EPB41L4A: variants seen among roughly 807,000 people sequenced by gnomAD.
EPB41L4A encodes erythrocyte membrane protein band 4.1 like 4A, also known as band 4.1-like protein 4A.
A neutral mutation model predicts 108.6 loss-of-function variants in EPB41L4A; 100 were observed. The observed-to-expected ratio is 0.92, with a 90% CI of 0.78 to 1.09. EPB41L4A has a LOEUF of 1.09. EPB41L4A is among the 50% of genes least tolerant of loss of function. EPB41L4A has a pLI of 0.00. For synonymous variants in EPB41L4A, 319 were observed against 289.0 expected (o/e 1.10, Z -1.05); for missense variants, 1,030 against 842.7 (o/e 1.22, Z -2.75).
intron 2 of EPB41L4A, among the ~76,000 whole-genome samples, chr5:112,280,835 G>C (rs1477024113): frequency 6.6e-6 from 1 of 152,106 alleles, no homozygotes; most frequent in Non-Finnish European, 1.5e-5. Context: ...TCTTTCCAAA[G>C]TCTCCATCAT....
intron 12 of EPB41L4A, among the ~76,000 whole-genome samples, chr5:112,212,691 G>A (rs75882618): frequency 6.6e-6 from 1 of 152,022 alleles, no homozygotes; most frequent in Non-Finnish European, 1.5e-5. Flanking sequence ...AAATGAAAAG[G>A]AGCTTCATGT....
chr5:112,278,696 A>T (rs1456820393), intron 3 of EPB41L4A, among the ~76,000 whole-genome samples: 2 of 152,138 alleles, frequency 1.3e-5, no homozygotes, highest in African/African-American at 4.8e-5. Flanking sequence ...TAAAATAATT[A>T]ACATTTTTTC....
chr5:112,262,149 C>A (rs1418819558), intron 7 of EPB41L4A, among the ~76,000 whole-genome samples: 1 of 152,140 alleles, frequency 6.6e-6, no homozygotes, highest in South Asian at 2.1e-4. Flanking sequence ...ACCTCTGCCT[C>A]CCCAAGTGCT....
intron 1 of EPB41L4A, among the ~76,000 whole-genome samples, chr5:112,322,001 A>G (rs2150627357): frequency 6.6e-6 from 1 of 152,334 alleles, no homozygotes; most frequent in South Asian, 2.1e-4. Context: ...ATAGTTCAAC[A>G]TTACATAAGT....
At chr5:112,208,287 T>G (rs1158020580) in intron 13 of EPB41L4A, among the ~76,000 whole-genome samples, 4 of 149,104 alleles carry the variant, frequency 2.7e-5, no homozygotes, top group Non-Finnish European at 5.9e-5. Context: ...ACATGCTCAT[T>G]GCAGCACTAT....
chr5:112,229,607 T>C (rs950913001), intron 12 of EPB41L4A, among the ~76,000 whole-genome samples: 1 of 152,132 alleles, frequency 6.6e-6, no homozygotes, highest in Non-Finnish European at 1.5e-5. Context: ...ATCATTCTTA[T>C]GCCTTTGTGT....
At chr5:112,321,970 C>T (rs1239446766) in intron 1 of EPB41L4A, among the ~76,000 whole-genome samples, 1 of 152,148 alleles carries the variant, frequency 6.6e-6, no homozygotes, top group African/African-American at 2.4e-5. Flanking sequence ...TAAAGGGAGG[C>T]TTCATTAACA....
At chr5:112,259,808 CT>C in intron 8 of EPB41L4A, 82 bp downstream of exon 8, 1 of 1,007,950 alleles carries the variant, frequency 9.9e-7, no homozygotes, top group Non-Finnish European at 1.6e-6. Flanking sequence ...TACCTGTTTT[CT>C]TTTCCCCAAC....
intron 1 of EPB41L4A, among the ~76,000 whole-genome samples, chr5:112,387,390 G>T (rs1760626853): frequency 6.6e-6 from 1 of 152,188 alleles, no homozygotes; most frequent in African/African-American, 2.4e-5. Context: ...ACTTTGGGAG[G>T]CCGAGGCGGG....
At chr5:112,296,076 T>C (rs1244378049) in intron 2 of EPB41L4A, among the ~76,000 whole-genome samples, 1 of 152,170 alleles carries the variant, frequency 6.6e-6, no homozygotes, top group African/African-American at 2.4e-5. Flanking sequence ...AATGACTGGC[T>C]TTGTCCAAGA....
At chr5:112,162,082 C>T (rs1759943127), downstream of EPB41L4A, 1 of 152,152 alleles carries the variant, frequency 6.6e-6, no homozygotes, top group African/African-American at 2.4e-5. Flanking sequence ...GGCATATTAC[C>T]AAGTTCTTGA....
intron 17 of EPB41L4A, among the ~76,000 whole-genome samples, chr5:112,193,579 G>T (rs1761813470): frequency 6.6e-6 from 1 of 152,204 alleles, no homozygotes; most frequent in Non-Finnish European, 1.5e-5. Flanking sequence ...GGGATTACAG[G>T]CGTGAGCCAC....
intron 1 of EPB41L4A, among the ~76,000 whole-genome samples, chr5:112,400,452 G>C (rs1478682594): frequency 6.6e-6 from 1 of 152,138 alleles, no homozygotes; most frequent in Non-Finnish European, 1.5e-5. Flanking sequence ...CACAGCATCT[G>C]CTTGGCTTCT....
At chr5:112,346,215 C>CTTTTTTTTTTTTTTTTTTTTTTTT (rs1479210695) in intron 1 of EPB41L4A, among the ~76,000 whole-genome samples, 1 of 49,042 alleles carries the variant, frequency 2.0e-5, no homozygotes, top group African/African-American at 4.5e-5. Flanking sequence ...AGGTACATTG[C>CTTTTTTTTTTTTTTTTTTTTTTTT]ATTTTTTTTT....
intron 1 of EPB41L4A, among the ~76,000 whole-genome samples, chr5:112,321,336 C>G (rs1755763828): frequency 6.6e-6 from 1 of 152,154 alleles, no homozygotes; most frequent in Non-Finnish European, 1.5e-5. Flanking sequence ...AACACAATGA[C>G]CAAGGTGAGC....
Position 112,270,156 on chromosome 5 carries a change from C to T in EPB41L4A, c.336-3826G>A, listed in dbSNP as rs549040351. ...AGACAGAAGCTCAAAACAGAAGGCT[C>T]CTGTAAGATTCCTGGCCAAGAACAG... is the stretch of plus-strand genomic sequence containing the variant. On this transcript the variant is annotated intron_variant, in intron 4 of 22. Coordinates refer to ENST00000261486, the MANE Select transcript of EPB41L4A (RefSeq NM_022140.5). Among the ~76,000 whole-genome samples the T allele has an allele frequency of 3.3e-5, 5 of 152,256 alleles. No individual in the cohort carries two copies. In the South Asian group the frequency reaches 1.0e-3, roughly 32 times the overall value.
chr5:112,343,414 C>G (rs181679309), intron 1 of EPB41L4A, among the ~76,000 whole-genome samples: 19 of 152,306 alleles, frequency 1.2e-4, no homozygotes, highest in African/African-American at 4.6e-4. Flanking sequence ...TTTGTCCCAT[C>G]TGTAAGACGG....
At chr5:112,194,270 T>A (rs1179744301) in intron 17 of EPB41L4A, among the ~76,000 whole-genome samples, 1 of 152,162 alleles carries the variant, frequency 6.6e-6, no homozygotes, top group African/African-American at 2.4e-5. Context: ...TAAACTTTCT[T>A]ACCAGCCTTA....
intron 1 of EPB41L4A, among the ~76,000 whole-genome samples, chr5:112,408,066 G>T (rs888746546): frequency 6.6e-6 from 1 of 152,184 alleles, no homozygotes; most frequent in Non-Finnish European, 1.5e-5. Context: ...TAGTCATGTA[G>T]ATCAATGGGA....
Sources: gnomAD v4.1 joint callset for allele counts (sites outside exome capture counted in the v4.1 genomes callset) on GRCh38, gnomAD v4.1.1 for gene constraint, MANE v1.5 for transcripts, NCBI Gene and HGNC (gene_info 2026-07-23, HGNC 2026-07-21) for gene names.